Variants in AFF3 observed in about 807,000 individuals in gnomAD.
The protein encoded by AFF3 is AF4/FMR2 family member 3.
Under a neutral mutation model 129.7 loss-of-function variants are expected in AFF3, and 32 were observed. The ratio of observed to expected loss-of-function variants is 0.25; its 90% CI spans 0.19 to 0.33. The LOEUF (loss-of-function observed/expected upper bound fraction) is 0.33, where lower values mean the gene tolerates loss of function less well. Ranked by LOEUF, AFF3 falls within the 10% of genes least tolerant of loss-of-function variation. The probability of loss-of-function intolerance (pLI) is 1.00; values close to 1 mark genes in which losing one functional copy is unlikely to be tolerated. For missense variants in AFF3, 1,373 were observed against 1,592.0 expected, an observed-to-expected ratio of 0.86 and a Z score of 2.34; for synonymous variants, 644 against 635.4, an observed-to-expected ratio of 1.01 and a Z score of -0.20.
At chr2:99,662,069 G>A (rs990820672) in intron 12 of AFF3, among the ~76,000 whole-genome samples, 11 of 152,054 alleles carry the variant, frequency 7.2e-5, no homozygotes, top group Admixed American at 6.5e-4. Flanking sequence ...GAACCCGGGA[G>A]GCGGAGGTTG....
chr2:99,642,260 C>A (rs1421119166), intron 13 of AFF3, among the ~76,000 whole-genome samples: 1 of 151,790 alleles, frequency 6.6e-6, no homozygotes, highest in East Asian at 1.9e-4. Context: ...TAATTCCACT[C>A]TAATTTAATT....
chr2:99,970,042 G>A (rs900112574), intron 7 of AFF3, among the ~76,000 whole-genome samples: 1 of 152,100 alleles, frequency 6.6e-6, no homozygotes, highest in African/African-American at 2.4e-5. Flanking sequence ...ACAACATATC[G>A]CATAATAGCA....
chr2:100,036,974 T>C (rs984173156), intron 4 of AFF3, among the ~76,000 whole-genome samples: 1 of 152,142 alleles, frequency 6.6e-6, no homozygotes, highest in African/African-American at 2.4e-5. Context: ...TCTCATGCGC[T>C]CCTGGTGACA....
chr2:100,037,813 A>C (rs1215979595), intron 4 of AFF3, among the ~76,000 whole-genome samples: 3 of 138,476 alleles, frequency 2.2e-5, no homozygotes, highest in Admixed American at 8.1e-5. Context: ...TAATATATAA[A>C]ATATATAAAA....
intron 7 of AFF3, among the ~76,000 whole-genome samples, chr2:99,956,268 G>A (rs1483448870): frequency 1.3e-5 from 2 of 152,170 alleles, no homozygotes; most frequent in African/African-American, 4.8e-5. Flanking sequence ...GAGCTACAGG[G>A]TGAGGAACTG....
At chr2:99,667,263 T>C (rs889297429) in intron 12 of AFF3, among the ~76,000 whole-genome samples, 2 of 152,158 alleles carry the variant, frequency 1.3e-5, no homozygotes, top group Non-Finnish European at 2.9e-5. Context: ...CACTTAAAAA[T>C]TAAACAACAC....
At chr2:100,050,385 C>T (rs964397370) in intron 4 of AFF3, among the ~76,000 whole-genome samples, 4 of 152,076 alleles carry the variant, frequency 2.6e-5, no homozygotes, top group African/African-American at 7.2e-5. Flanking sequence ...GTGGCACGAT[C>T]ATAGCTCACT....
intron 4 of AFF3, among the ~76,000 whole-genome samples, chr2:100,034,728 C>T (rs1684773367): frequency 6.6e-6 from 1 of 151,802 alleles, no homozygotes; most frequent in South Asian, 2.1e-4. Context: ...AAAAAGAGCC[C>T]CAGAAAGGTC....
At chr2:99,789,823 T>C (rs1343372126) in intron 8 of AFF3, among the ~76,000 whole-genome samples, 2 of 152,222 alleles carry the variant, frequency 1.3e-5, no homozygotes, top group Non-Finnish European at 2.9e-5. Context: ...TAAACATCAG[T>C]GGCATAAGCG....
At chr2:99,649,765 T>C (rs1685064652) in intron 12 of AFF3, 99 bp from the exon 13 acceptor site, 13 of 1,416,666 alleles carry the variant, frequency 9.2e-6, no homozygotes, top group South Asian at 2.4e-5. Flanking sequence ...ATTACACACA[T>C]TTTTGCCATG....
At chr2:99,984,841 TGAG>T (rs549831277) in intron 7 of AFF3, among the ~76,000 whole-genome samples, 6 of 152,110 alleles carry the variant, frequency 3.9e-5, no homozygotes, top group Admixed American at 1.3e-4. Context: ...TTGCAGTGTG[TGAG>T]GAGGACAGAT....
At chr2:100,071,715 G>A (rs866386065) in intron 4 of AFF3, among the ~76,000 whole-genome samples, 2 of 152,078 alleles carry the variant, frequency 1.3e-5, no homozygotes, top group African/African-American at 4.8e-5. Flanking sequence ...AAAATTCTTC[G>A]AGCAAAACCG....
intron 13 of AFF3, among the ~76,000 whole-genome samples, chr2:99,639,714 A>G (rs1684006189): frequency 6.8e-6 from 1 of 147,740 alleles, no homozygotes; most frequent in Non-Finnish European, 1.5e-5. Flanking sequence ...TTGAGACAGA[A>G]TCTCACTCTC....
intron 8 of AFF3, among the ~76,000 whole-genome samples, chr2:99,766,849 G>C (rs1683064996): frequency 6.6e-6 from 1 of 152,228 alleles, no homozygotes; most frequent in African/African-American, 2.4e-5. Flanking sequence ...GTGAGAGCCT[G>C]AACTCACTTG....
intron 7 of AFF3, among the ~76,000 whole-genome samples, chr2:99,870,979 A>C (rs75431065): frequency 0.026 from 4,000 of 152,318 alleles, 172 homozygotes; most frequent in African/African-American, 0.089. Flanking sequence ...TACAGATTGC[A>C]CATCCCTAAT....
chr2:99,798,833 T>C (rs1685733677), intron 8 of AFF3, among the ~76,000 whole-genome samples: 1 of 151,948 alleles, frequency 6.6e-6, no homozygotes, highest in Non-Finnish European at 1.5e-5. Flanking sequence ...AAATAGACAG[T>C]CCCTTAATTA....
At chr2:99,915,789 T>C (rs2106220124) in intron 7 of AFF3, among the ~76,000 whole-genome samples, 1 of 152,338 alleles carries the variant, frequency 6.6e-6, no homozygotes, top group South Asian at 2.1e-4. Context: ...TGTATTAGTC[T>C]ATGTACTTTT....
At chr2:99,828,427 GGCT>G (rs1215486206) in intron 8 of AFF3, among the ~76,000 whole-genome samples, 1 of 152,182 alleles carries the variant, frequency 6.6e-6, no homozygotes, top group Non-Finnish European at 1.5e-5. Context: ...CTCCAGCACT[GGCT>G]GCTGGAGAGA....
intron 13 of AFF3, among the ~76,000 whole-genome samples, chr2:99,628,770 G>A (rs1028339514): frequency 3.8e-5 from 5 of 133,180 alleles, no homozygotes; most frequent in African/African-American, 1.4e-4. Context: ...GCCTAGGCTG[G>A]AGTGCAATGG....
Sources: allele counts gnomAD v4.1 joint callset (sites outside exome capture counted in the v4.1 genomes callset), GRCh38; gene constraint gnomAD v4.1.1; transcripts MANE v1.5; gene names NCBI Gene and HGNC (gene_info 2026-07-23, HGNC 2026-07-21).